EDIL3: variants seen among roughly 807,000 people sequenced by gnomAD.
The protein encoded by EDIL3 is EGF like and discoidin domains 3.
In EDIL3, 37 loss-of-function variants were observed where a neutral mutation model predicts 67.4. That is an observed-to-expected ratio of 0.55 (90% CI 0.42 to 0.72). The LOEUF (loss-of-function observed/expected upper bound fraction) is 0.72. Ranked by LOEUF, EDIL3 falls within the 30% of genes least tolerant of loss-of-function variation. EDIL3 has a pLI of 0.00. For synonymous variants in EDIL3, 195 were observed against 196.3 expected (o/e 0.99, Z 0.05); for missense variants, 527 against 586.3 (o/e 0.90, Z 1.04).
chr5:84,091,889 C>A (rs1478242711), intron 6 of EDIL3, among the ~76,000 whole-genome samples: 1 of 152,140 alleles, frequency 6.6e-6, no homozygotes, highest in Non-Finnish European at 1.5e-5. Flanking sequence ...TTCCCATAGG[C>A]AGGTCTCATA....
intron 9 of EDIL3, among the ~76,000 whole-genome samples, chr5:83,986,698 GA>G (rs1745063014): frequency 6.6e-6 from 1 of 152,082 alleles, no homozygotes; most frequent in South Asian, 2.1e-4. Context: ...GCAGGCGTAA[GA>G]ACAAAATACC....
chr5:84,346,231 C>T (rs1381906619), intron 1 of EDIL3, among the ~76,000 whole-genome samples: 4 of 150,380 alleles, frequency 2.7e-5, no homozygotes. Context: ...GCAACCTCCG[C>T]CTCCCGGGTT....
intron 1 of EDIL3, among the ~76,000 whole-genome samples, chr5:84,319,459 G>A (rs1336443825): frequency 3.5e-5 from 2 of 56,462 alleles, no homozygotes; most frequent in African/African-American, 1.3e-4. Flanking sequence ...ACGAGACTCC[G>A]TCTCAAAAAA....
intron 2 of EDIL3, among the ~76,000 whole-genome samples, chr5:84,234,537 C>A (rs967564631): frequency 6.6e-6 from 1 of 152,144 alleles, no homozygotes; most frequent in Non-Finnish European, 1.5e-5. Flanking sequence ...GTGGTTTCAA[C>A]AATTCTTACA....
At chr5:84,004,418 C>T (rs1203404512) in intron 9 of EDIL3, among the ~76,000 whole-genome samples, 5 of 151,804 alleles carry the variant, frequency 3.3e-5, no homozygotes, top group Non-Finnish European at 5.9e-5. Context: ...ACCACACACT[C>T]GGCCATAAAG....
At chr5:84,231,952 C>T (rs577373084) in intron 2 of EDIL3, among the ~76,000 whole-genome samples, 1 of 152,168 alleles carries the variant, frequency 6.6e-6, no homozygotes, top group Admixed American at 6.5e-5. Context: ...ACAAAGCAAC[C>T]AATGAGATGA....
At chr5:84,274,320 T>C (rs1403671481) in intron 1 of EDIL3, among the ~76,000 whole-genome samples, 2 of 152,112 alleles carry the variant, frequency 1.3e-5, no homozygotes, top group East Asian at 3.9e-4. Flanking sequence ...CAGGCTGGTC[T>C]TGAACTCCTG....
In EDIL3 at chr5:84,229,889, G is replaced by C. The variant is rs755030558; in HGVS notation, c.197-5C>G. ...TTGGTTCTTCTTCATCTGATGCTAT[G>C]ATAAGAGGAAAAGGTGAAATGGGGG... On this transcript the variant is annotated splice_polypyrimidine_tract_variant and splice_region_variant and intron_variant, in intron 2 of 10. Transcript: ENST00000296591. 2 of 1,571,368 alleles carry C rather than the reference G, an allele frequency of 1.3e-6. No homozygotes were observed. Among genetic ancestry groups the C allele is most frequent in the South Asian group, 2.2e-5 (2 of 89,034 alleles).
intron 9 of EDIL3, among the ~76,000 whole-genome samples, chr5:84,002,305 C>T (rs184129831): frequency 0.015 from 2,108 of 136,982 alleles, 61 homozygotes; most frequent in African/African-American, 0.064. Flanking sequence ...AAAAGCCATA[C>T]GTGACACACT....
chr5:83,968,975 A>G (rs1580257618), intron 9 of EDIL3, among the ~76,000 whole-genome samples: 1 of 151,872 alleles, frequency 6.6e-6, no homozygotes, highest in Non-Finnish European at 1.5e-5. Flanking sequence ...ACCATGAGAT[A>G]TAATCAATGC....
chr5:84,348,272 T>A (rs985033367), intron 1 of EDIL3, among the ~76,000 whole-genome samples: 1 of 151,868 alleles, frequency 6.6e-6, no homozygotes, highest in African/African-American at 2.4e-5. Flanking sequence ...CATAGGGAGG[T>A]AATTTCCTCT....
intron 3 of EDIL3, among the ~76,000 whole-genome samples, chr5:84,202,857 T>G (rs1205900348): frequency 2.0e-5 from 3 of 152,110 alleles, no homozygotes; most frequent in Non-Finnish European, 4.4e-5. Context: ...CTATAATGAT[T>G]GTAATTTTAC....
chr5:84,205,237 AT>A (rs1308284430), intron 3 of EDIL3, among the ~76,000 whole-genome samples: 2 of 152,130 alleles, frequency 1.3e-5, no homozygotes, highest in Admixed American at 1.3e-4. Flanking sequence ...TAACTTTCTA[AT>A]AACATATATA....
At chr5:84,028,248 T>C (rs1474312737) in intron 9 of EDIL3, among the ~76,000 whole-genome samples, 1 of 152,176 alleles carries the variant, frequency 6.6e-6, no homozygotes, top group African/African-American at 2.4e-5. Flanking sequence ...AGTATTTTCC[T>C]AACTGGTCTT....
intron 8 of EDIL3, among the ~76,000 whole-genome samples, chr5:84,061,079 G>C (rs1270557242): frequency 1.3e-5 from 2 of 152,028 alleles, no homozygotes; most frequent in African/African-American, 4.8e-5. Flanking sequence ...TATTTACTGA[G>C]GGTATGCCAT....
rs139425819 is a variant in EDIL3 at position 84,160,827 on chromosome 5, T to C, written c.355+19566A>G. ...TTCCTTTCCTTTCCTTTCCCTTTCC[T>C]TTTCCTTTCCTTTTCCTTTCCTTTC... On this transcript the variant is annotated intron_variant, in intron 4 of 10. Coordinates refer to ENST00000296591, the MANE Select transcript of EDIL3 (RefSeq NM_005711.5). 1.3e-3 allele frequency among the ~76,000 whole-genome samples: 175 copies of C among 129,946 alleles called. No homozygotes were observed. The East Asian group carries it at 0.016, about 12-fold the overall frequency. 85.2% of individuals were successfully genotyped at this position (129,946 alleles called of 152,430 possible). A position where few individuals can be genotyped will look rare whatever the true frequency, so the allele number is the denominator to read the frequency against.
In EDIL3 at chr5:84,212,685, G is replaced by A. The variant is rs74432618; in HGVS notation, c.226+17170C>T. ...GGAGATCTGAAAGGGAAAGGAAAGCGTACTCTAGACAGACAAGCCTGGATT... is the reference window on the plus strand; with the variant it reads ...GGAGATCTGAAAGGGAAAGGAAAGCATACTCTAGACAGACAAGCCTGGATT... On this transcript the variant is annotated intron_variant, in intron 3 of 10. Transcript: ENST00000296591. 5.4e-3 allele frequency among the ~76,000 whole-genome samples: 815 copies of A among 152,222 alleles called. 7 individuals are homozygous for A. The highest frequency in any genetic ancestry group is 0.019 in the African/African-American group (782 of 41,516).
At chr5:84,256,998 T>A (rs1458429989) in intron 1 of EDIL3, among the ~76,000 whole-genome samples, 1 of 152,180 alleles carries the variant, frequency 6.6e-6, no homozygotes, top group Non-Finnish European at 1.5e-5. Context: ...AAGGACACAG[T>A]CTCATATTTA....
In EDIL3 at chr5:84,271,505, T is replaced by C. The variant is rs897185982; in HGVS notation, c.68-17293A>G. Among the ~76,000 whole-genome samples, 8 of 151,966 alleles carry C rather than the reference T, an allele frequency of 5.3e-5. 1 individual carries two copies. Among genetic ancestry groups the C allele is most frequent in the Admixed American group, 3.9e-4 (6 of 15,250 alleles). ...TAGTCTATTGCAGAAGGAAAATTAATGCTGATGTTCACAGGATCCCTTATA... is the reference window on the plus strand; with the variant it reads ...TAGTCTATTGCAGAAGGAAAATTAACGCTGATGTTCACAGGATCCCTTATA... On this transcript the variant is annotated intron_variant, in intron 1 of 10. Transcript: ENST00000296591.
Sources: gnomAD v4.1 joint callset for allele counts (sites outside exome capture counted in the v4.1 genomes callset) on GRCh38, gnomAD v4.1.1 for gene constraint, MANE v1.5 for transcripts, NCBI Gene and HGNC (gene_info 2026-07-23, HGNC 2026-07-21) for gene names.